Variants in RASGEF1C observed in about 807,000 individuals in gnomAD.
RASGEF1C encodes ras-GEF domain-containing family member 1C.
In RASGEF1C, 27 loss-of-function variants were observed where a neutral mutation model predicts 58.1. That is an observed-to-expected ratio of 0.46 (90% CI 0.34 to 0.64). The LOEUF (loss-of-function observed/expected upper bound fraction) is 0.64, where lower values mean the gene tolerates loss of function less well. Among genes scored for constraint, RASGEF1C ranks in the 30% least tolerant of loss-of-function variants. The pLI, the probability that RASGEF1C is intolerant of heterozygous loss-of-function variation, is 0.01. For missense variants in RASGEF1C, 502 were observed against 605.1 expected (o/e 0.83, Z 1.79); for synonymous variants, 243 against 246.3 (o/e 0.99, Z 0.13).
At chr5:180,129,291 G>A (rs1053956919) in intron 4 of RASGEF1C, among the ~76,000 whole-genome samples, 2 of 152,198 alleles carry the variant, frequency 1.3e-5, no homozygotes, top group East Asian at 1.9e-4. Flanking sequence ...TAGAAGAGTC[G>A]GACAACTGCC....
chr5:180,180,944 A>G (rs1351563111), intron 1 of RASGEF1C, among the ~76,000 whole-genome samples: 4 of 152,242 alleles, frequency 2.6e-5, no homozygotes, highest in African/African-American at 9.6e-5. Context: ...ATACAGCACT[A>G]TCAATCAATG....
chr5:180,208,255 TTC>T (rs1281245367), intron 1 of RASGEF1C, among the ~76,000 whole-genome samples: 17 of 151,988 alleles, frequency 1.1e-4, no homozygotes, highest in African/African-American at 7.2e-5. Flanking sequence ...GGCTCAGAAC[TTC>T]TGTCTCTCCC....
In RASGEF1C at chr5:180,136,527, C is replaced by A. The variant is rs1189457362; in HGVS notation, c.301-12G>T. 6 of 1,568,628 alleles carry A rather than the reference C, an allele frequency of 3.8e-6. No homozygotes were observed. The highest frequency in any genetic ancestry group is 1.7e-4 in the Middle Eastern group (1 of 5,900). On this transcript the variant is annotated splice_polypyrimidine_tract_variant and intron_variant, in intron 3 of 13. Coordinates refer to ENST00000361132, the MANE Select transcript of RASGEF1C (RefSeq NM_175062.4). The stretch of plus-strand genomic sequence containing the variant: ...TTCCGGACCCGGGCCTACGGGCAAG[C>A]GAGGGGCACCGCGCTCGTGAGGGGC...
intron 12 of RASGEF1C, among the ~76,000 whole-genome samples, chr5:180,106,134 A>G (rs1765871147): frequency 6.6e-6 from 1 of 152,226 alleles, no homozygotes; most frequent in African/African-American, 2.4e-5. Context: ...CGGTTGACTG[A>G]GGGTAACTAC....
chr5:180,127,337 C>T (rs75833189), intron 6 of RASGEF1C, among the ~76,000 whole-genome samples: 3,104 of 152,300 alleles, frequency 0.02, 110 homozygotes, highest in African/African-American at 0.069. Context: ...GCAGCGCGGC[C>T]CACGGCCTGG....
In RASGEF1C at chr5:180,114,547, A is replaced by G. The variant is rs1379848825; in HGVS notation, c.1084-6T>C. ...CTGAAGAAAGGAATGACAATCTGGA[A>G]GAAAGAGGGGGCAGGTCGGCCCCAG... On this transcript the variant is annotated splice_region_variant and splice_polypyrimidine_tract_variant and intron_variant, in intron 10 of 13. Transcript: ENST00000361132. The G allele has an allele frequency of 6.2e-7, 1 of 1,608,210 alleles. No homozygotes were observed. Among genetic ancestry groups the G allele is most frequent in the South Asian group, 1.1e-5 (1 of 90,658 alleles).
chr5:180,174,487 T>TCTGTGC (rs1325925708), intron 1 of RASGEF1C, among the ~76,000 whole-genome samples: 7 of 126,156 alleles, frequency 5.5e-5, no homozygotes, highest in African/African-American at 1.9e-4. Flanking sequence ...TGTCTGTGTG[T>TCTGTGC]GCGCGTGTGT....
intron 1 of RASGEF1C, among the ~76,000 whole-genome samples, chr5:180,146,746 C>T (rs1766666358): frequency 6.6e-6 from 1 of 152,124 alleles, no homozygotes; most frequent in African/African-American, 2.4e-5. Context: ...ATGTTTGCAT[C>T]ATAAGGGATA....
chr5:180,153,338 AC>A (rs1193375381), intron 1 of RASGEF1C, among the ~76,000 whole-genome samples: 1 of 152,150 alleles, frequency 6.6e-6, no homozygotes, highest in Non-Finnish European at 1.5e-5. Flanking sequence ...TTCCACAAAC[AC>A]ATGCACAGCC....
chr5:180,128,242 G>T (rs1480384857), intron 5 of RASGEF1C, among the ~76,000 whole-genome samples, 168 bp downstream of exon 5: 3 of 152,226 alleles, frequency 2.0e-5, no homozygotes, highest in Non-Finnish European at 4.4e-5. Context: ...TCTCCCTGGG[G>T]TGGGCCCTTG....
chr5:180,124,196 C>T (rs1263511719), intron 6 of RASGEF1C, among the ~76,000 whole-genome samples: 1 of 150,706 alleles, frequency 6.6e-6, no homozygotes. Flanking sequence ...AGCGCCACTG[C>T]ACTCCAGCCT....
At chr5:180,105,561 CAAAA>C (rs139192683) in intron 12 of RASGEF1C, among the ~76,000 whole-genome samples, 9 of 117,950 alleles carry the variant, frequency 7.6e-5, no homozygotes, top group African/African-American at 2.9e-4. Flanking sequence ...GACTCTGTCT[CAAAA>C]AAAAAAAAAG....
rs144891912 is a variant in RASGEF1C, at chr5:180,144,499, C to T, written c.-6-6441G>A. On this transcript the variant is annotated intron_variant, in intron 1 of 13. Transcript: ENST00000361132. ...AAAAAGTTTTTAAAAATTAGGTTGA[C>T]GTAATGTCACACACCTGTAGTCCGA... Among the ~76,000 whole-genome samples, 11 of 152,146 alleles carry T rather than the reference C, an allele frequency of 7.2e-5. No homozygotes were observed. The East Asian group carries it at 1.9e-3, about 27-fold the overall frequency.
intron 1 of RASGEF1C, among the ~76,000 whole-genome samples, chr5:180,145,509 G>T (rs1345077101): frequency 6.6e-6 from 1 of 152,164 alleles, no homozygotes; most frequent in Non-Finnish European, 1.5e-5. Context: ...CTGCTTTTTT[G>T]ATAATGGCCA....
chr5:180,116,104 C>T lies in RASGEF1C; in HGVS notation c.1084-1563G>A, dbSNP rs1011231604. On this transcript the variant is annotated intron_variant, in intron 10 of 13. Transcript: ENST00000361132. ...TCCTCAAGAGGTGGCGCGTCCCATA[C>T]GTGAGCACTTCTCACCCCTTCCGCC... 2.6e-3 allele frequency among the ~76,000 whole-genome samples: 397 copies of T among 152,264 alleles called. 4 individuals are homozygous for T. The highest frequency in any genetic ancestry group is 9.0e-3 in the African/African-American group (375 of 41,540).
Position 180,122,235 on chromosome 5 carries a change from C to G in RASGEF1C, c.715-1086G>C, listed in dbSNP as rs545737642. Among the ~76,000 whole-genome samples the G allele has an allele frequency of 3.3e-5, 5 of 152,330 alleles. No homozygotes were observed. In the South Asian group the frequency reaches 1.0e-3, roughly 32 times the overall value. On this transcript the variant is annotated intron_variant, in intron 6 of 13. Coordinates refer to ENST00000361132, the MANE Select transcript of RASGEF1C (RefSeq NM_175062.4). ...AGCGATGGTTCTGTGCTCCCTCACT[C>G]GGTGCTGCAGCTGCTGGGAGTAATG...
At chr5:180,124,231 C>CAA (rs11292353) in intron 6 of RASGEF1C, among the ~76,000 whole-genome samples, 11 of 134,934 alleles carry the variant, frequency 8.2e-5, no homozygotes, top group Middle Eastern at 3.9e-3. Flanking sequence ...GACTCTGTCT[C>CAA]AAAAAAAAAA....
chr5:180,136,241 G>T, intron 4 of RASGEF1C, 137 bp downstream of exon 4: 1 of 907,326 alleles, frequency 1.1e-6, no homozygotes, highest in Non-Finnish European at 1.6e-6. Flanking sequence ...TCCTTGATAG[G>T]CCAGAAAGCG....
intron 1 of RASGEF1C, among the ~76,000 whole-genome samples, chr5:180,138,911 C>T (rs1291711765): frequency 2.0e-5 from 3 of 152,156 alleles, no homozygotes; most frequent in East Asian, 1.9e-4. Context: ...GCCTCGTCCT[C>T]GGTGAAGCCT....
Sources: allele counts gnomAD v4.1 joint callset (sites outside exome capture counted in the v4.1 genomes callset), GRCh38; gene constraint gnomAD v4.1.1; transcripts MANE v1.5; gene names NCBI Gene and HGNC (gene_info 2026-07-23, HGNC 2026-07-21).